The following RAB14 variants were observed in gnomAD, a reference collection of about 807,000 sequenced individuals.
RAB14 encodes the protein ras-related protein Rab-14.
In RAB14, 3 loss-of-function variants were observed where a neutral mutation model predicts 31.1. The ratio of observed to expected loss-of-function variants is 0.10; its 90% CI spans 0.04 to 0.25. The LOEUF is 0.25. Among genes scored for constraint, RAB14 ranks in the 10% least tolerant of loss-of-function variants. The pLI, the probability that RAB14 is intolerant of heterozygous loss-of-function variation, is 1.00. For synonymous variants in RAB14, 85 were observed against 84.9 expected, an observed-to-expected ratio of 1.00 and a Z score of 0.00; for missense variants, 111 against 260.1, an observed-to-expected ratio of 0.43 and a Z score of 3.94.
chr9:121,196,097 T>C (rs532409199), intron 1 of RAB14, among the ~76,000 whole-genome samples: 3 of 152,038 alleles, frequency 2.0e-5, no homozygotes, highest in African/African-American at 4.8e-5. Context: ...TAGAGAACTC[T>C]TGAGTCTAAA....
intron 5 of RAB14, among the ~76,000 whole-genome samples, chr9:121,184,240 G>GT (rs2053648212): frequency 6.6e-6 from 1 of 152,174 alleles, no homozygotes; most frequent in Non-Finnish European, 1.5e-5. Flanking sequence ...GCAGCTGGGA[G>GT]TAGGGGTTTG....
At position 121,180,316 on chromosome 9, in the gene RAB14, C is replaced by T. The variant is rs574476823; in HGVS notation, c.*1080G>A. ...AAAGCTTAAAATGTGCAATAGTAAA[C>T]CCAGCCTTTTTTCTTTTTCTATACA... On this transcript the variant is annotated 3_prime_UTR_variant, in exon 8 of 8. Transcript: ENST00000373840. The T allele has an allele frequency of 1.3e-5, 2 of 152,768 alleles. No homozygotes were observed. The highest frequency in any genetic ancestry group is 2.1e-4 in the South Asian group (1 of 4,832). The allele number at this position is 152,768 out of a possible 1,614,324, so 9.5% of individuals were successfully genotyped here.
At chr9:121,187,047 A>G (rs911057054) in intron 4 of RAB14, 28 bp from the exon 5 acceptor site, 3 of 1,370,380 alleles carry the variant, frequency 2.2e-6, no homozygotes, top group Non-Finnish European at 3.0e-6. Context: ...TAAATTTGTG[A>G]CTGCCATATA....
At chr9:121,188,660 A>C (rs1371692063) in intron 4 of RAB14, among the ~76,000 whole-genome samples, 1 of 152,028 alleles carries the variant, frequency 6.6e-6, no homozygotes, top group East Asian at 1.9e-4. Flanking sequence ...TGACAAAAAT[A>C]AAAAGGGACT....
chr9:121,201,764 G>C lies in RAB14; in HGVS notation c.-133C>G, dbSNP rs958015123. 4 of 153,146 alleles carry C rather than the reference G, an allele frequency of 2.6e-5. No individual in the cohort carries two copies. The highest frequency in any genetic ancestry group is 9.6e-5 in the African/African-American group (4 of 41,466). 9.5% of individuals were successfully genotyped at this position (153,146 alleles called of 1,614,324 possible). On this transcript the variant is annotated 5_prime_UTR_variant, in exon 1 of 8. Transcript: ENST00000373840. ...CGACCGAGGCGCCGGCAGGTACACT[G>C]GCAGGCCGAGAGGTGCAGACGCGCC...
intron 1 of RAB14, among the ~76,000 whole-genome samples, chr9:121,198,477 T>G (rs985207158): frequency 1.3e-5 from 2 of 152,200 alleles, no homozygotes; most frequent in African/African-American, 4.8e-5. Flanking sequence ...TTAGAACCTA[T>G]GATGTTACTG....
chr9:121,190,829 T>C (rs2053682475), intron 3 of RAB14, 98 bp from the exon 4 acceptor site: 4 of 1,169,848 alleles, frequency 3.4e-6, no homozygotes, highest in African/African-American at 3.1e-5. Flanking sequence ...GGCTTACTAA[T>C]ACTTACAGGC....
chr9:121,181,306 A>C lies in RAB14; in HGVS notation c.*90T>G, dbSNP rs561611494. On this transcript the variant is annotated 3_prime_UTR_variant, in exon 8 of 8. Coordinates refer to ENST00000373840, the MANE Select transcript of RAB14 (RefSeq NM_016322.4). ...TCTTTTTTTTTAATTAAACCCAGTAAGATGTACAGAAGACAATGAGGCAGT... is the reference window on the plus strand; with the variant it reads ...TCTTTTTTTTTAATTAAACCCAGTACGATGTACAGAAGACAATGAGGCAGT... 2 of 1,267,650 alleles carry C rather than the reference A, an allele frequency of 1.6e-6. No homozygotes were observed. The highest frequency in any genetic ancestry group is 4.8e-5 in the East Asian group (2 of 41,264). 78.5% of individuals were successfully genotyped at this position (1,267,650 alleles called of 1,614,324 possible). A position where few individuals can be genotyped will look rare whatever the true frequency, so the allele number is the denominator to read the frequency against.
intron 5 of RAB14, among the ~76,000 whole-genome samples, chr9:121,184,540 A>G (rs1004615786): frequency 2.0e-5 from 3 of 152,174 alleles, no homozygotes; most frequent in Non-Finnish European, 1.5e-5. Flanking sequence ...TAATCTAGAT[A>G]TGAACACTTT....
In RAB14 at chr9:121,181,489, A is replaced by T; in HGVS notation, c.555T>A (p.Ala185=). The change falls in exon 8 of 8, where the codon GCT becomes GCA. Residue 185 remains alanine, a synonymous_variant. Transcript: ENST00000373840. The part of the protein sequence containing the change: ...NIQDGSLDLN[A]AESGVQHKPS... Reference sequence around the variant, plus strand: ...GTTTGTGTTGTACACCAGACTCAGCAGCATTCAGATCCAAGCTTCCATCCT... The same window carrying T: ...GTTTGTGTTGTACACCAGACTCAGCTGCATTCAGATCCAAGCTTCCATCCT... The T allele has an allele frequency of 6.2e-7, 1 of 1,613,830 alleles. No individual in the cohort carries two copies. The highest frequency in any genetic ancestry group is 8.5e-7 in the Non-Finnish European group (1 of 1,179,750).
chr9:121,192,404 C>CTT (rs2053691724), intron 2 of RAB14, among the ~76,000 whole-genome samples, 180 bp from the exon 3 acceptor site: 1 of 151,974 alleles, frequency 6.6e-6, no homozygotes, highest in African/African-American at 2.4e-5. Flanking sequence ...ATATTATTCC[C>CTT]AATCTTTAGC....
rs1326664854 is a variant in RAB14, at chr9:121,179,887, T to G, written c.*1509A>C. 2 of 152,610 alleles carry G rather than the reference T, an allele frequency of 1.3e-5. No homozygotes were observed. Among genetic ancestry groups the G allele is most frequent in the Non-Finnish European group, 2.9e-5 (2 of 68,034 alleles). 9.5% of individuals were successfully genotyped at this position (152,610 alleles called of 1,614,324 possible). The stretch of plus-strand genomic sequence containing the variant: ...CATTTTCTATAGTACGCTGAGGTGT[T>G]ACCTATTCTATTTCAAATAAATTCT... On this transcript the variant is annotated 3_prime_UTR_variant, in exon 8 of 8. Transcript: ENST00000373840.
At chr9:121,196,980 T>A (rs2053720912) in intron 1 of RAB14, among the ~76,000 whole-genome samples, 1 of 152,146 alleles carries the variant, frequency 6.6e-6, no homozygotes, top group South Asian at 2.1e-4. Flanking sequence ...TTGGAGAAAT[T>A]CACTCATTTG....
At chr9:121,201,256 G>A (rs1215908685) in intron 1 of RAB14, among the ~76,000 whole-genome samples, 1 of 152,186 alleles carries the variant, frequency 6.6e-6, no homozygotes, top group African/African-American at 2.4e-5. Context: ...CACCCTGCGG[G>A]GGCGGGCTGC....
chr9:121,190,872 A>T (rs937479161), intron 3 of RAB14, 141 bp from the exon 4 acceptor site: 21 of 795,182 alleles, frequency 2.6e-5, no homozygotes, highest in Non-Finnish European at 2.6e-5. Context: ...CTAAAAAAAA[A>T]ATTAACAAAC....
chr9:121,192,307 A>T, intron 2 of RAB14, 83 bp from the exon 3 acceptor site: 4 of 976,438 alleles, frequency 4.1e-6, no homozygotes, highest in Non-Finnish European at 5.8e-6. Flanking sequence ...ACCATATAAC[A>T]TATCACAAGT....
At chr9:121,199,890 G>C (rs2053746182) in intron 1 of RAB14, among the ~76,000 whole-genome samples, 1 of 152,196 alleles carries the variant, frequency 6.6e-6, no homozygotes, top group Admixed American at 6.5e-5. Flanking sequence ...AACTCTACAT[G>C]TAGCTCTCCA....
chr9:121,198,810 C>A (rs550495102), intron 1 of RAB14, among the ~76,000 whole-genome samples: 8 of 152,128 alleles, frequency 5.3e-5, no homozygotes, highest in Non-Finnish European at 8.8e-5. Flanking sequence ...TAGAGGCCCA[C>A]TAAAATGGAC....
chr9:121,190,387 A>C (rs2053680187), intron 4 of RAB14, among the ~76,000 whole-genome samples, 167 bp downstream of exon 4: 1 of 152,118 alleles, frequency 6.6e-6, no homozygotes, highest in Admixed American at 6.6e-5. Flanking sequence ...GGAAAATATC[A>C]ATGTGTTATA....
Sources: allele counts gnomAD v4.1 joint callset (sites outside exome capture counted in the v4.1 genomes callset), GRCh38; gene constraint gnomAD v4.1.1; transcripts MANE v1.5; gene names NCBI Gene and HGNC (gene_info 2026-07-23, HGNC 2026-07-21).